Variants in ZNF546 observed in about 807,000 individuals in gnomAD.
ZNF546 encodes the protein CTC-471F3.6.
ZNF546 carries 60 observed loss-of-function variants against 76.2 expected under a neutral mutation model. The observed-to-expected ratio is 0.79, with a 90% CI of 0.64 to 0.98. The LOEUF (loss-of-function observed/expected upper bound fraction) is 0.98. Ranked by LOEUF, ZNF546 falls within the 50% of genes least tolerant of loss-of-function variation. The probability of loss-of-function intolerance (pLI) is 0.00; values close to 1 mark genes in which losing one functional copy is unlikely to be tolerated. For missense variants in ZNF546, 936 were observed against 1,035.6 expected, an observed-to-expected ratio of 0.90 and a Z score of 1.32; for synonymous variants, 277 against 328.1, an observed-to-expected ratio of 0.84 and a Z score of 1.68.
At chr19:40,010,152 C>A (rs965148179) in intron 6 of ZNF546, among the ~76,000 whole-genome samples, 1 of 152,100 alleles carries the variant, frequency 6.6e-6, no homozygotes, top group African/African-American at 2.4e-5. Context: ...CCTGTAATCC[C>A]AGCACTTTGG....
intron 6 of ZNF546, 48 bp downstream of exon 6, chr19:40,008,613 C>G (rs769824581): frequency 6.8e-7 from 1 of 1,480,922 alleles, no homozygotes; most frequent in Non-Finnish European, 9.4e-7. Context: ...AAGTTATGAC[C>G]CATGATGTCA....
intron 3 of ZNF546, among the ~76,000 whole-genome samples, chr19:40,004,743 A>T (rs1971581858): frequency 6.6e-6 from 1 of 151,916 alleles, no homozygotes; most frequent in South Asian, 2.1e-4. Context: ...TGTTTTCACA[A>T]ATGTAATTAT....
At position 40,004,020 on chromosome 19, in the gene ZNF546, AT is replaced by A. The variant is rs1262971276; in HGVS notation, c.85-2075del. Among the ~76,000 whole-genome samples, 20 of 139,682 alleles carry A rather than the reference AT, an allele frequency of 1.4e-4. No individual in the cohort carries two copies. In the East Asian group the frequency reaches 1.5e-3, roughly 11 times the overall value. 91.6% of individuals were successfully genotyped at this position (139,682 alleles called of 152,430 possible). On this transcript the variant is annotated intron_variant, in intron 3 of 6. Transcript: ENST00000347077. Reference sequence around the variant, plus strand: ...GAGTGAGACTCTATCTCAAAAAAATATATATATATAAATATATAAATATATT... The same window carrying A: ...GAGTGAGACTCTATCTCAAAAAAATAATATATATAAATATATAAATATATT...
intron 3 of ZNF546, chr19:39,998,612 A>T: frequency 1.9e-6 from 1 of 538,354 alleles, no homozygotes. Context: ...AGAAGTGGGA[A>T]TGTGATTGGA....
At position 40,015,119 on chromosome 19, in the gene ZNF546, G is replaced by C. The variant is rs761472447; in HGVS notation, c.1849G>C (p.Ala617Pro). ...CTACATATGTAATGAATGTGGGAAA[G>C]CCTTTCGATTTCAAACAGAACTTAC... The part of the protein sequence containing the change: ...KPYICNECGK[A>P]FRFQTELTQH... Residue 617 changes from alanine (A) to proline (P), a missense_variant, in exon 7 of 7, where the codon GCC (alanine) becomes CCC (proline). Physicochemically the swap from Ala to Pro is conservative, Grantham distance 27 (BLOSUM62 -1). Coordinates refer to ENST00000347077, the MANE Select transcript of ZNF546 (RefSeq NM_178544.5). The C allele has an allele frequency of 6.2e-7, 1 of 1,613,982 alleles. No individual in the cohort carries two copies. Among genetic ancestry groups the C allele is most frequent in the Non-Finnish European group, 8.5e-7 (1 of 1,179,964 alleles).
At position 40,015,396 on chromosome 19, in the gene ZNF546, C is replaced by T. The variant is rs770568409; in HGVS notation, c.2126C>T (p.Thr709Ile). ...GNAFICSYRL[T>I]LHQRIHTGEL... Reference sequence around the variant, plus strand: ...GCTTTTATTTGCAGTTATCGACTTACATTACATCAAAGAATTCACACTGGT... The same window carrying T: ...GCTTTTATTTGCAGTTATCGACTTATATTACATCAAAGAATTCACACTGGT... Residue 709 changes from threonine (T) to isoleucine (I), a missense_variant, in exon 7 of 7, where the codon ACA becomes ATA. Thr to Ile is a moderately conservative substitution (Grantham distance 89). Coordinates refer to ENST00000347077, the MANE Select transcript of ZNF546 (RefSeq NM_178544.5). 7 of 1,614,086 alleles carry T rather than the reference C, an allele frequency of 4.3e-6. No homozygotes were observed. The highest frequency in any genetic ancestry group is 1.7e-5 in the Admixed American group (1 of 60,010).
chr19:40,011,089 T>C (rs573417388), intron 6 of ZNF546, among the ~76,000 whole-genome samples: 12 of 152,364 alleles, frequency 7.9e-5, no homozygotes, highest in African/African-American at 2.9e-4. Flanking sequence ...TGTAAACTCT[T>C]AACAGTGTCT....
intron 4 of ZNF546, among the ~76,000 whole-genome samples, chr19:40,007,019 A>G (rs1467020397): frequency 1.3e-5 from 2 of 152,218 alleles, no homozygotes; most frequent in Non-Finnish European, 2.9e-5. Flanking sequence ...ACTTGCATTT[A>G]TTCAGAACTT....
chr19:40,010,596 C>A (rs914785621), intron 6 of ZNF546, among the ~76,000 whole-genome samples: 2 of 152,104 alleles, frequency 1.3e-5, no homozygotes, highest in Admixed American at 6.5e-5. Context: ...GCCTAATAAT[C>A]CTGAGCAACT....
rs1266973378 is a variant in ZNF546 at position 40,020,717 on chromosome 19, T to C, written c.*4936T>C. Reference sequence around the variant, plus strand: ...TACTAAGGAAGTCTCATTCAGAATATCTAATATTTTGGATGTGAGCCCACA... The same window carrying C: ...TACTAAGGAAGTCTCATTCAGAATACCTAATATTTTGGATGTGAGCCCACA... On this transcript the variant is annotated 3_prime_UTR_variant, in exon 7 of 7. Transcript: ENST00000347077. 1 of 152,140 alleles carries C rather than the reference T, an allele frequency of 6.6e-6. No homozygotes were observed. The highest frequency in any genetic ancestry group is 1.5e-5 in the Non-Finnish European group (1 of 68,006). The allele number at this position is 152,140 out of a possible 1,614,324, so 9.4% of individuals were successfully genotyped here. A position where few individuals can be genotyped will look rare whatever the true frequency, so the allele number is the denominator to read the frequency against.
Position 40,007,259 on chromosome 19 carries a change from G to C in ZNF546, c.172-15G>C. On this transcript the variant is annotated splice_polypyrimidine_tract_variant and intron_variant, in intron 4 of 6. Coordinates refer to ENST00000347077, the MANE Select transcript of ZNF546 (RefSeq NM_178544.5). ...ACATTTAATTTTTTTTTAATACATA[G>C]GCTTGTCATTTCAGGTATCTTTGGC... 1.3e-6 allele frequency: 2 copies of C among 1,518,046 alleles called. No homozygotes were observed. The highest frequency in any genetic ancestry group is 1.8e-6 in the Non-Finnish European group (2 of 1,130,550). 94.0% of individuals were successfully genotyped at this position (1,518,046 alleles called of 1,614,324 possible).
In ZNF546 at chr19:40,014,177, T is replaced by A; in HGVS notation, c.907T>A (p.Cys303Ser). 1 of 1,613,658 alleles carries A rather than the reference T, an allele frequency of 6.2e-7. No homozygotes were observed. Among genetic ancestry groups the A allele is most frequent in the Admixed American group, 1.7e-5 (1 of 59,998 alleles). The change falls in exon 7 of 7, where the codon TGT becomes AGT. Residue 303 changes from cysteine (C) to serine (S), a missense_variant. Coordinates refer to ENST00000347077, the MANE Select transcript of ZNF546 (RefSeq NM_178544.5). ...ACATTCTGGTGTGAAACCCTACGAG[T>A]GTAAGGAATGTGGGAAAGCCTTTAG... Reference protein sequence around the residue: ...RIHSGVKPYECKECGKAFSRV... With the variant: ...RIHSGVKPYESKECGKAFSRV...
At position 40,019,995 on chromosome 19, in the gene ZNF546, A is replaced by C. The variant is rs1348458877; in HGVS notation, c.*4214A>C. On this transcript the variant is annotated 3_prime_UTR_variant, in exon 7 of 7. Transcript: ENST00000347077. ...TATTTGAAATCAAGGTGTATCTTACAATTTATGGCATCTGACAATACTTCC... is the reference window on the plus strand; with the variant it reads ...TATTTGAAATCAAGGTGTATCTTACCATTTATGGCATCTGACAATACTTCC... The C allele has an allele frequency of 6.6e-6, 1 of 152,168 alleles. No individual in the cohort carries two copies. The highest frequency in any genetic ancestry group is 1.5e-5 in the Non-Finnish European group (1 of 68,016). 9.4% of individuals were successfully genotyped at this position (152,168 alleles called of 1,614,324 possible).
chr19:40,013,511 A>C (rs1342104297), intron 6 of ZNF546, among the ~76,000 whole-genome samples, 154 bp from the exon 7 acceptor site: 1 of 152,174 alleles, frequency 6.6e-6, no homozygotes, highest in Admixed American at 6.5e-5. Context: ...AAGTTTGTTG[A>C]ATCCTGCTCT....
intron 6 of ZNF546, 22 bp from the exon 7 acceptor site, chr19:40,013,643 T>C: frequency 9.7e-7 from 1 of 1,032,992 alleles, no homozygotes; most frequent in Non-Finnish European, 1.3e-6. Flanking sequence ...CTCTTTGCTT[T>C]TTTTTTTTTT....
At chr19:39,998,458 T>C in intron 3 of ZNF546, 48 bp downstream of exon 3, 1 of 1,457,832 alleles carries the variant, frequency 6.9e-7, no homozygotes, top group Non-Finnish European at 9.6e-7. Flanking sequence ...TTTGTTTTAT[T>C]GAGATTAATG....
chr19:40,005,696 A>T (rs1291880272), intron 3 of ZNF546, among the ~76,000 whole-genome samples: 1 of 152,192 alleles, frequency 6.6e-6, no homozygotes, highest in Admixed American at 6.5e-5. Flanking sequence ...CTCCAAAAAA[A>T]AAAAAAAGAT....
rs1323340816 is a variant in ZNF546, at chr19:40,015,950, C to T, written c.*169C>T. 1.5e-6 allele frequency: 1 copy of T among 654,384 alleles called. No homozygotes were observed. Among genetic ancestry groups the T allele is most frequent in the African/African-American group, 1.8e-5 (1 of 54,784 alleles). The allele number at this position is 654,384 out of a possible 1,614,324, so 40.5% of individuals were successfully genotyped here. Reference sequence around the variant, plus strand: ...GAAAGACTATAGCATCACTCAGTCCCTGTTAGACTTTAGAAGATTGATACT... The same window carrying T: ...GAAAGACTATAGCATCACTCAGTCCTTGTTAGACTTTAGAAGATTGATACT... On this transcript the variant is annotated 3_prime_UTR_variant, in exon 7 of 7. Transcript: ENST00000347077.
At position 40,014,873 on chromosome 19, in the gene ZNF546, C is replaced by T. The variant is rs146732400; in HGVS notation, c.1603C>T (p.Arg535Cys). Residue 535 changes from arginine to cysteine, a missense_variant, in exon 7 of 7, where the codon CGT (arginine) becomes TGT (cysteine). Physicochemically the swap from Arg to Cys is radical, Grantham distance 180. Transcript: ENST00000347077. The part of the protein sequence containing the change: ...YICNECGKAF[R>C]LQGELTRHHR... ...ATGTAACGAATGTGGAAAAGCCTTT[C>T]GTCTTCAAGGAGAACTTACCCGACA... 23 of 1,613,002 alleles carry T rather than the reference C, an allele frequency of 1.4e-5. No individual in the cohort carries two copies. The highest frequency in any genetic ancestry group is 4.5e-5 in the East Asian group (2 of 44,732).
Sources: gnomAD v4.1 joint callset for allele counts (sites outside exome capture counted in the v4.1 genomes callset) on GRCh38, gnomAD v4.1.1 for gene constraint, MANE v1.5 for transcripts, NCBI Gene and HGNC (gene_info 2026-07-23, HGNC 2026-07-21) for gene names.